SCNN1B: variants seen among roughly 807,000 people sequenced by gnomAD.
SCNN1B encodes sodium channel epithelial 1 subunit beta, also known as epithelial sodium channel subunit beta.
SCNN1B carries 46 observed loss-of-function variants against 65.3 expected under a neutral mutation model. The ratio of observed to expected loss-of-function variants is 0.70; its 90% CI spans 0.56 to 0.90. SCNN1B has a LOEUF of 0.90. SCNN1B is among the 40% of genes least tolerant of loss of function. The pLI, the probability that SCNN1B is intolerant of heterozygous loss-of-function variation, is 0.00. For synonymous variants in SCNN1B, 349 were observed against 330.6 expected, an observed-to-expected ratio of 1.06 and a Z score of -0.60; for missense variants, 751 against 830.5, an observed-to-expected ratio of 0.90 and a Z score of 1.18.
At chr16:23,336,423 G>T (rs1202571437) in intron 1 of SCNN1B, among the ~76,000 whole-genome samples, 1 of 150,614 alleles carries the variant, frequency 6.6e-6, no homozygotes, top group Admixed American at 6.6e-5. Context: ...CCAGGCTGGA[G>T]TGCAGGGGCA....
At chr16:23,326,258 C>T (rs963689252) in intron 1 of SCNN1B, among the ~76,000 whole-genome samples, 2 of 150,270 alleles carry the variant, frequency 1.3e-5, no homozygotes, top group Non-Finnish European at 3.0e-5. Flanking sequence ...ATTATCTTCT[C>T]ATTTATTACT....
intron 1 of SCNN1B, chr16:23,323,604 A>G: frequency 1.4e-6 from 1 of 703,022 alleles, no homozygotes; most frequent in Non-Finnish European, 2.6e-6. Context: ...AAGGTCACAC[A>G]GTGAGTAAGT....
chr16:23,374,435 G>T (rs1962849346), intron 7 of SCNN1B, among the ~76,000 whole-genome samples: 1 of 151,112 alleles, frequency 6.6e-6, no homozygotes, highest in Non-Finnish European at 1.5e-5. Context: ...TCAGCCGGGG[G>T]TGGTGGTGCA....
rs192412410 is a variant in SCNN1B, at chr16:23,351,237, G to A, written c.312-1564G>A. ...ATAGGAACGACAGCACTCCTTCTGGGCACTGATCCATGCATTTTATAAGCA... is the reference window on the plus strand; with the variant it reads ...ATAGGAACGACAGCACTCCTTCTGGACACTGATCCATGCATTTTATAAGCA... On this transcript the variant is annotated intron_variant, in intron 2 of 12. Coordinates refer to ENST00000343070, the MANE Select transcript of SCNN1B (RefSeq NM_000336.3). Among the ~76,000 whole-genome samples, 9 of 152,244 alleles carry A rather than the reference G, an allele frequency of 5.9e-5. No individual in the cohort carries two copies. The East Asian group carries it at 1.7e-3, about 29-fold the overall frequency.
chr16:23,355,319 G>T lies in SCNN1B; in HGVS notation c.606G>T (p.Gln202His). The T allele has an allele frequency of 6.2e-7, 1 of 1,614,182 alleles. No homozygotes were observed. Among genetic ancestry groups the T allele is most frequent in the Non-Finnish European group, 8.5e-7 (1 of 1,180,024 alleles). Residue 202 changes from glutamine (Q) to histidine (H), a missense_variant, in exon 4 of 13, where the codon CAG (glutamine) becomes CAT (histidine). Physicochemically the swap from Gln to His is conservative, Grantham distance 24. Coordinates refer to ENST00000343070, the MANE Select transcript of SCNN1B (RefSeq NM_000336.3). The part of the protein sequence containing the change: ...AMRLCSLNRT[Q>H]CTFRNFTSAT... ...CACAGTGTAGCCTCAACAGGACCCA[G>T]TGTACCTTCCGGAACTTCACCAGTG... is the stretch of plus-strand genomic sequence containing the variant.
chr16:23,337,408 T>C (rs1296125168), intron 1 of SCNN1B, among the ~76,000 whole-genome samples: 1 of 148,346 alleles, frequency 6.7e-6, no homozygotes, highest in Non-Finnish European at 1.5e-5. Flanking sequence ...AGTTTCACTC[T>C]TGTCGTCCAG....
At chr16:23,374,923 C>T (rs551718134) in intron 7 of SCNN1B, among the ~76,000 whole-genome samples, 4 of 152,238 alleles carry the variant, frequency 2.6e-5, no homozygotes, top group Admixed American at 6.5e-5. Context: ...ATCCGTGCAG[C>T]GCTTCCTGAG....
At chr16:23,332,330 G>A (rs528393140) in intron 1 of SCNN1B, among the ~76,000 whole-genome samples, 13 of 151,956 alleles carry the variant, frequency 8.6e-5, no homozygotes, top group African/African-American at 2.9e-4. Context: ...CGAGTAGCTG[G>A]GATTACAGGC....
chr16:23,357,320 C>T (rs899099971), intron 4 of SCNN1B, among the ~76,000 whole-genome samples: 15 of 152,250 alleles, frequency 9.9e-5, no homozygotes, highest in Non-Finnish European at 1.9e-4. Flanking sequence ...ATGTGGCTCA[C>T]GCCTGTAAGC....
chr16:23,360,872 A>G (rs1169766365), intron 4 of SCNN1B, among the ~76,000 whole-genome samples: 5 of 149,602 alleles, frequency 3.3e-5, no homozygotes, highest in African/African-American at 9.9e-5. Context: ...TCGGCTCACC[A>G]CAAGCTCCGC....
chr16:23,380,302 G>A lies in SCNN1B; in HGVS notation c.1543-119G>A, dbSNP rs1963014373. Reference sequence around the variant, plus strand: ...AAGACAGTCCCAAGTTATTCCCCTGGGCCAAGATGGTCACCCCCTCCCGTT... The same window carrying A: ...AAGACAGTCCCAAGTTATTCCCCTGAGCCAAGATGGTCACCCCCTCCCGTT... On this transcript the variant is annotated intron_variant, in intron 12 of 12. Transcript: ENST00000343070. This position sits in a 1 kb window ranked among gnomAD's most constrained non-coding sequence, Gnocchi z 5.4. 4.5e-6 allele frequency: 7 copies of A among 1,539,512 alleles called. No individual in the cohort carries two copies. The highest frequency in any genetic ancestry group is 1.1e-5 in the South Asian group (1 of 89,050).
chr16:23,343,699 C>G (rs1348265097), intron 1 of SCNN1B, among the ~76,000 whole-genome samples: 7 of 150,894 alleles, frequency 4.6e-5, no homozygotes, highest in Non-Finnish European at 8.8e-5. Context: ...CACTTTTCCA[C>G]ATTTATTGTT....
chr16:23,325,385 G>A (rs1401633383), intron 1 of SCNN1B, among the ~76,000 whole-genome samples: 2 of 151,880 alleles, frequency 1.3e-5, no homozygotes, highest in Non-Finnish European at 2.9e-5. Flanking sequence ...TCCTGCCTCA[G>A]CCTCCCGAGT....
intron 2 of SCNN1B, among the ~76,000 whole-genome samples, chr16:23,349,661 T>C (rs1962267005): frequency 1.3e-5 from 2 of 152,184 alleles, no homozygotes; most frequent in South Asian, 2.1e-4. Flanking sequence ...GCACCTACTA[T>C]GTGCCAGGCA....
Position 23,380,023 on chromosome 16 carries a change from T to A in SCNN1B, c.1467-71T>A. 8.9e-7 allele frequency: 1 copy of A among 1,124,806 alleles called. No individual in the cohort carries two copies. The highest frequency in any genetic ancestry group is 1.2e-5 in the South Asian group (1 of 81,014). The allele number at this position is 1,124,806 out of a possible 1,614,324, so 69.7% of individuals were successfully genotyped here. Reference sequence around the variant, plus strand: ...GTGCATGTGTGTGCATGTGTCTATGTGCGTGTGTGTGTGTCTGTCTGTTTG... The same window carrying A: ...GTGCATGTGTGTGCATGTGTCTATGAGCGTGTGTGTGTGTCTGTCTGTTTG... On this transcript the variant is annotated intron_variant, in intron 11 of 12. Transcript: ENST00000343070. This position sits in a 1 kb window ranked among gnomAD's most constrained non-coding sequence, Gnocchi z 5.4.
rs1253654712 is a variant in SCNN1B, at chr16:23,373,854, T to A, written c.1153-1884T>A. ...AGGGACAGACAGACAGACAGGACAG[T>A]ACAGGGAGGTGGGAAACACGGAGAA... On this transcript the variant is annotated intron_variant, in intron 7 of 12. Transcript: ENST00000343070. Among the ~76,000 whole-genome samples, 3 of 152,050 alleles carry A rather than the reference T, an allele frequency of 2.0e-5. No individual in the cohort carries two copies. In the East Asian group the frequency reaches 5.8e-4, roughly 29 times the overall value.
chr16:23,309,773 A>G (rs1479489024), intron 1 of SCNN1B, among the ~76,000 whole-genome samples: 1 of 152,178 alleles, frequency 6.6e-6, no homozygotes, highest in Non-Finnish European at 1.5e-5. Context: ...CAACACCCTC[A>G]CAGACACACC....
chr16:23,332,919 A>C (rs1027311472), intron 1 of SCNN1B, among the ~76,000 whole-genome samples: 3 of 152,032 alleles, frequency 2.0e-5, no homozygotes, highest in Non-Finnish European at 2.9e-5. Context: ...AAATACAAAA[A>C]CTTAGCTGGA....
At chr16:23,305,586 T>C (rs1443003169) in intron 1 of SCNN1B, among the ~76,000 whole-genome samples, 3 of 113,360 alleles carry the variant, frequency 2.6e-5, no homozygotes, top group African/African-American at 8.9e-5. Flanking sequence ...ATTATATATA[T>C]ATATATATAT....
Sources: allele counts gnomAD v4.1 joint callset (sites outside exome capture counted in the v4.1 genomes callset), GRCh38; gene constraint gnomAD v4.1.1; non-coding constraint Gnocchi (gnomAD v3.1); transcripts MANE v1.5; gene names NCBI Gene and HGNC (gene_info 2026-07-23, HGNC 2026-07-21).